PRORP: variants seen among roughly 807,000 people sequenced by gnomAD.
The protein encoded by PRORP is mitochondrial ribonuclease P catalytic subunit.
PRORP carries 51 observed loss-of-function variants against 59.4 expected under a neutral mutation model. The observed-to-expected ratio is 0.86, with a 90% CI of 0.69 to 1.08. The LOEUF is 1.08. PRORP is among the 50% of genes least tolerant of loss of function. PRORP has a pLI of 0.00. For missense variants in PRORP, 646 were observed against 690.3 expected, an observed-to-expected ratio of 0.94 and a Z score of 0.72; for synonymous variants, 231 against 245.6, an observed-to-expected ratio of 0.94 and a Z score of 0.55.
At chr14:35,135,488 T>G (rs1249313793) in intron 4 of PRORP, among the ~76,000 whole-genome samples, 1 of 152,028 alleles carries the variant, frequency 6.6e-6, no homozygotes, top group Non-Finnish European at 1.5e-5. Flanking sequence ...CAGAAAAAAA[T>G]TGCTGATCCC....
At chr14:35,235,310 A>C (rs2050182590) in intron 5 of PRORP, 2 of 693,050 alleles carry the variant, frequency 2.9e-6, no homozygotes, top group Non-Finnish European at 5.3e-6. Flanking sequence ...ATTGGTCCTG[A>C]TAGCTTCCAC....
In PRORP at chr14:35,181,783, C is replaced by CCAA. The variant is rs534136447; in HGVS notation, c.1275+1006_1275+1007insCAA. On this transcript the variant is annotated intron_variant, in intron 5 of 7. Transcript: ENST00000534898. ...CTGGGCAACAAGAGCAAAACTGTCT[C>CCAA]AAAAAAAAAAAAAAAAAAGTAATGA... Among the ~76,000 whole-genome samples the CCAA allele has an allele frequency of 1.5e-3, 161 of 109,304 alleles. 6 individuals are homozygous for CCAA. The highest frequency in any genetic ancestry group is 5.3e-3 in the Middle Eastern group (1 of 190). 71.7% of individuals were successfully genotyped at this position (109,304 alleles called of 152,430 possible). A position where few individuals can be genotyped will look rare whatever the true frequency, so the allele number is the denominator to read the frequency against.
At chr14:35,148,630 G>T (rs1163719776) in intron 4 of PRORP, among the ~76,000 whole-genome samples, 1 of 152,198 alleles carries the variant, frequency 6.6e-6, no homozygotes, top group African/African-American at 2.4e-5. Context: ...TAACAAGAGA[G>T]TCAGCCTGTC....
chr14:35,128,677 G>T (rs1347554548), intron 4 of PRORP, among the ~76,000 whole-genome samples: 3 of 152,016 alleles, frequency 2.0e-5, no homozygotes, highest in Non-Finnish European at 4.4e-5. Flanking sequence ...AGTATTTGTT[G>T]TAATGTCTTC....
intron 4 of PRORP, among the ~76,000 whole-genome samples, chr14:35,128,612 A>G (rs1287945510): frequency 6.6e-6 from 1 of 152,026 alleles, no homozygotes; most frequent in African/African-American, 2.4e-5. Context: ...AGGTTTTCCA[A>G]TTTATTGGCA....
chr14:35,273,907 G>A lies in PRORP; in HGVS notation c.*341G>A, dbSNP rs2051259545. The stretch of plus-strand genomic sequence containing the variant: ...TTGCTACTTCTGACCTTGCCTTCCA[G>A]GCCTACCAATAGCAGAATCAATCCA... On this transcript the variant is annotated 3_prime_UTR_variant, in exon 8 of 8. Transcript: ENST00000534898. The A allele has an allele frequency of 5.6e-6, 1 of 178,098 alleles. No homozygotes were observed. 11.0% of individuals were successfully genotyped at this position (178,098 alleles called of 1,614,324 possible). A position where few individuals can be genotyped will look rare whatever the true frequency, so the allele number is the denominator to read the frequency against.
chr14:35,258,847 C>G (rs1594350208), intron 5 of PRORP, among the ~76,000 whole-genome samples: 1 of 152,282 alleles, frequency 6.6e-6, no homozygotes, highest in East Asian at 1.9e-4. Context: ...GTTTTGATTA[C>G]CATAGCTGTA....
At chr14:35,152,548 CG>C (rs1220814451) in intron 4 of PRORP, among the ~76,000 whole-genome samples, 8 of 145,558 alleles carry the variant, frequency 5.5e-5, no homozygotes, top group Middle Eastern at 3.8e-3. Context: ...GGGCAGCGGC[CG>C]GGTGGAGGCG....
At chr14:35,133,533 T>C (rs565255768) in intron 4 of PRORP, among the ~76,000 whole-genome samples, 1 of 152,342 alleles carries the variant, frequency 6.6e-6, no homozygotes, top group South Asian at 2.1e-4. Flanking sequence ...GTTCATTTTG[T>C]GATGTCCTGT....
intron 5 of PRORP, among the ~76,000 whole-genome samples, chr14:35,231,565 G>A (rs2050082538): frequency 6.6e-6 from 1 of 152,190 alleles, no homozygotes; most frequent in African/African-American, 2.4e-5. Flanking sequence ...AAAACATATG[G>A]TTAGTAAGTC....
chr14:35,259,705 A>T (rs1229462387), intron 5 of PRORP, among the ~76,000 whole-genome samples: 1 of 152,104 alleles, frequency 6.6e-6, no homozygotes, highest in Non-Finnish European at 1.5e-5. Context: ...AGCCTGGCCA[A>T]CATGGTGAAA....
chr14:35,163,984 A>G (rs868584554), intron 4 of PRORP, among the ~76,000 whole-genome samples: 2 of 152,202 alleles, frequency 1.3e-5, no homozygotes, highest in Non-Finnish European at 2.9e-5. Flanking sequence ...ATTTTGCTAC[A>G]TATAACTAGC....
chr14:35,266,268 G>A (rs1277897165), intron 5 of PRORP, among the ~76,000 whole-genome samples: 1 of 150,314 alleles, frequency 6.7e-6, no homozygotes, highest in African/African-American at 2.5e-5. Flanking sequence ...AGTGAGCTGA[G>A]ATCTCGCCAT....
At position 35,208,639 on chromosome 14, in the gene PRORP, G is replaced by A. The variant is rs2049356049; in HGVS notation, c.1275+27862G>A. 2.0e-5 allele frequency among the ~76,000 whole-genome samples: 3 copies of A among 152,048 alleles called. No homozygotes were observed. In the South Asian group the frequency reaches 6.2e-4, roughly 31 times the overall value. On this transcript the variant is annotated intron_variant, in intron 5 of 7. Transcript: ENST00000534898. Reference sequence around the variant, plus strand: ...AATCCCTGCACTTTGGGAGGCCGAGGCAGGCAGCTCATTTGAGGTCAGGAG... The same window carrying A: ...AATCCCTGCACTTTGGGAGGCCGAGACAGGCAGCTCATTTGAGGTCAGGAG...
Position 35,123,453 on chromosome 14 carries a change from A to G in PRORP, c.208A>G (p.Lys70Glu), listed in dbSNP as rs1400150577. The change falls in exon 2 of 8, where the codon AAA becomes GAA. Residue 70 changes from lysine (K) to glutamate (E), a missense_variant. Physicochemically the swap from Lys to Glu is moderately conservative, Grantham distance 56 (BLOSUM62 1). Transcript: ENST00000534898. Reference sequence around the variant, plus strand: ...GATTGCCAAGGCCAGATATCTCAGGAAAGATGAGGGCAGTAATAAGCAAGT... The same window carrying G: ...GATTGCCAAGGCCAGATATCTCAGGGAAGATGAGGGCAGTAATAAGCAAGT... ...NLIAKARYLR[K>E]DEGSNKQVYS... The G allele has an allele frequency of 1.2e-6, 2 of 1,614,068 alleles. No homozygotes were observed. Among genetic ancestry groups the G allele is most frequent in the Non-Finnish European group, 1.7e-6 (2 of 1,180,050 alleles).
Position 35,123,836 on chromosome 14 carries a change from C to T in PRORP, c.591C>T (p.Val197=). 1.2e-6 allele frequency: 2 copies of T among 1,614,054 alleles called. No homozygotes were observed. Residue 197 remains valine (V), a synonymous_variant, in exon 2 of 8, where the codon GTC becomes GTT. Coordinates refer to ENST00000534898, the MANE Select transcript of PRORP (RefSeq NM_014672.4). ...FHMQTSEVID[V]FEIMKARYKT... The stretch of plus-strand genomic sequence containing the variant: ...TGCAGACATCTGAAGTTATTGATGT[C>T]TTTGAAATTATGAAAGCCAGATATA...
chr14:35,140,627 C>G (rs975559283), intron 4 of PRORP, among the ~76,000 whole-genome samples: 1 of 145,252 alleles, frequency 6.9e-6, no homozygotes, highest in Non-Finnish European at 1.5e-5. Flanking sequence ...TTCTGTCAGT[C>G]TGTGGTTGAC....
chr14:35,135,568 G>A (rs1464916682), intron 4 of PRORP, among the ~76,000 whole-genome samples: 1 of 152,032 alleles, frequency 6.6e-6, no homozygotes, highest in African/African-American at 2.4e-5. Flanking sequence ...TCCAGGAGAG[G>A]GCCTCTCCTT....
At chr14:35,185,669 A>G (rs1255256995) in intron 5 of PRORP, among the ~76,000 whole-genome samples, 1 of 152,120 alleles carries the variant, frequency 6.6e-6, no homozygotes, top group African/African-American at 2.4e-5. Context: ...ATACAGGTAA[A>G]CTCCAGTATT....
Sources: allele counts gnomAD v4.1 joint callset (sites outside exome capture counted in the v4.1 genomes callset), GRCh38; gene constraint gnomAD v4.1.1; transcripts MANE v1.5; gene names NCBI Gene and HGNC (gene_info 2026-07-23, HGNC 2026-07-21).